Variants in JPH2 observed in about 807,000 individuals in gnomAD.
JPH2 encodes the protein junctophilin 2.
A neutral mutation model predicts 55.9 loss-of-function variants in JPH2; 38 were observed. The observed-to-expected ratio is 0.68, with a 90% confidence interval of 0.52 to 0.89. JPH2 has a LOEUF of 0.89. Among genes scored for constraint, JPH2 ranks in the 40% least tolerant of loss-of-function variants. The pLI is 0.00. For synonymous variants in JPH2, 480 were observed against 472.4 expected, an observed-to-expected ratio of 1.02 and a Z score of -0.21; for missense variants, 964 against 1,037.6, an observed-to-expected ratio of 0.93 and a Z score of 0.97.
chr20:44,181,721 G>A (rs532840392), intron 1 of JPH2, among the ~76,000 whole-genome samples: 171 of 152,246 alleles, frequency 1.1e-3, no homozygotes, highest in African/African-American at 3.6e-3. Flanking sequence ...CTCCGCCCTC[G>A]TCACCTGGCT....
intron 1 of JPH2, among the ~76,000 whole-genome samples, chr20:44,162,757 T>A (rs2072620136): frequency 1.9e-5 from 1 of 51,726 alleles, no homozygotes; most frequent in Non-Finnish European, 3.8e-5. Flanking sequence ...TATATATATA[T>A]ATATATATAT....
At position 44,187,082 on chromosome 20, in the gene JPH2, G is replaced by A. The variant is rs140981935; in HGVS notation, c.-377C>T. On this transcript the variant is annotated 5_prime_UTR_variant, in exon 1 of 6. Coordinates refer to ENST00000372980, the MANE Select transcript of JPH2 (RefSeq NM_020433.5). ...AAAGGGTGGGGTGGAGGGGTCCCCA[G>A]CCTTTTCAAAGAGGGGAAATTCCCC... 271 of 217,080 alleles carry A rather than the reference G, an allele frequency of 1.2e-3. No homozygotes were observed. Among genetic ancestry groups the A allele is most frequent in the African/African-American group, 5.9e-3 (259 of 43,662 alleles). The allele number at this position is 217,080 out of a possible 1,614,324, so 13.4% of individuals were successfully genotyped here. A position where few individuals can be genotyped will look rare whatever the true frequency, so the allele number is the denominator to read the frequency against.
chr20:44,151,230 G>A (rs1212797584), intron 2 of JPH2, among the ~76,000 whole-genome samples: 2 of 151,940 alleles, frequency 1.3e-5, no homozygotes, highest in African/African-American at 4.8e-5. Context: ...GGAAAATCAA[G>A]AGTTGGCTGG....
chr20:44,173,185 A>C (rs1300308793), intron 1 of JPH2, among the ~76,000 whole-genome samples: 2 of 152,204 alleles, frequency 1.3e-5, no homozygotes, highest in Non-Finnish European at 2.9e-5. Context: ...TTATGACTCC[A>C]GAGAAATATA....
At chr20:44,182,167 C>A (rs1185594527) in intron 1 of JPH2, among the ~76,000 whole-genome samples, 1 of 152,120 alleles carries the variant, frequency 6.6e-6, no homozygotes, top group African/African-American at 2.4e-5. Context: ...TGCCTGACTC[C>A]CAGCCGTTCC....
chr20:44,176,743 G>A (rs544043020), intron 1 of JPH2: 20 of 456,410 alleles, frequency 4.4e-5, no homozygotes, highest in Middle Eastern at 1.1e-3. Flanking sequence ...GCAGTGAGCC[G>A]TGATTGTACC....
intron 2 of JPH2, among the ~76,000 whole-genome samples, chr20:44,155,314 G>C (rs895812000): frequency 1.3e-5 from 2 of 152,126 alleles, no homozygotes; most frequent in African/African-American, 4.8e-5. Flanking sequence ...TCCAATTCAT[G>C]GTCTTCTGAA....
At position 44,134,625 on chromosome 20, in the gene JPH2, T is replaced by C. The variant is rs1398357744; in HGVS notation, c.1170-16002A>G. ...ATTTATTATAAATATAATAAATATA[T>C]ATTTATTATAAATATATAAATATTT... is the stretch of plus-strand genomic sequence containing the variant. On this transcript the variant is annotated intron_variant, in intron 2 of 5. Transcript: ENST00000372980. 1.3e-4 allele frequency among the ~76,000 whole-genome samples: 9 copies of C among 68,562 alleles called. 1 individual carries two copies. The highest frequency in any genetic ancestry group is 1.9e-4 in the Non-Finnish European group (8 of 41,738). The allele number at this position is 68,562 out of a possible 152,430, so 45.0% of individuals were successfully genotyped here.
intron 1 of JPH2, among the ~76,000 whole-genome samples, chr20:44,181,353 GT>G (rs2072781895): frequency 6.6e-6 from 1 of 152,166 alleles, no homozygotes; most frequent in Non-Finnish European, 1.5e-5. Flanking sequence ...CTCACACATT[GT>G]GTGTGTGCAT....
intron 2 of JPH2, among the ~76,000 whole-genome samples, chr20:44,134,148 T>TTATTATAAATATATAAA (rs2072358454): frequency 1.2e-4 from 3 of 24,494 alleles, no homozygotes; most frequent in Non-Finnish European, 1.5e-4. Context: ...AAATAAATAT[T>TTATTATAAATATATAAA]TATTATAAAT....
At chr20:44,148,920 A>C (rs1483823315) in intron 2 of JPH2, among the ~76,000 whole-genome samples, 2 of 152,060 alleles carry the variant, frequency 1.3e-5, no homozygotes. Flanking sequence ...AAAAACAATT[A>C]GCTGGGTGTG....
chr20:44,127,929 T>A (rs950321406), intron 2 of JPH2, among the ~76,000 whole-genome samples: 5 of 152,218 alleles, frequency 3.3e-5, no homozygotes, highest in Non-Finnish European at 7.3e-5. Context: ...TTAGGATAAA[T>A]GTCTATCCAG....
intron 2 of JPH2, among the ~76,000 whole-genome samples, chr20:44,138,616 C>A (rs564367615): frequency 6.6e-6 from 1 of 152,220 alleles, no homozygotes; most frequent in South Asian, 2.1e-4. Flanking sequence ...CTCCTGGCCT[C>A]AAGCAATTCT....
intron 2 of JPH2, among the ~76,000 whole-genome samples, chr20:44,128,673 C>T (rs933437018): frequency 6.6e-6 from 1 of 151,780 alleles, no homozygotes; most frequent in East Asian, 1.9e-4. Context: ...TTAATATTTT[C>T]GTCTTTTTCT....
At position 44,107,980 on chromosome 20, in the gene JPH2, G is replaced by A. The variant is rs978053519; in HGVS notation, c.*5538C>T. Among the ~76,000 whole-genome samples the A allele has an allele frequency of 6.6e-6, 1 of 152,236 alleles. No individual in the cohort carries two copies. The highest frequency in any genetic ancestry group is 6.5e-5 in the Admixed American group (1 of 15,284). ...ATGGCTTATAGTGAGTGCTGGCCAT[G>A]CCAGAAAAATCAACCACAGGGTTAA... is the stretch of plus-strand genomic sequence containing the variant. On this transcript the variant is annotated 3_prime_UTR_variant, in exon 6 of 6. Coordinates refer to ENST00000372980, the MANE Select transcript of JPH2 (RefSeq NM_020433.5).
At chr20:44,176,200 A>G (rs2072731510) in intron 1 of JPH2, among the ~76,000 whole-genome samples, 1 of 152,190 alleles carries the variant, frequency 6.6e-6, no homozygotes, top group African/African-American at 2.4e-5. Context: ...ATAATGTAAT[A>G]AACTCACTAC....
At position 44,112,037 on chromosome 20, in the gene JPH2, A is replaced by G; in HGVS notation, c.*1481T>C. The G allele has an allele frequency of 6.6e-6, 1 of 152,420 alleles. No individual in the cohort carries two copies. Among genetic ancestry groups the G allele is most frequent in the South Asian group, 2.1e-4 (1 of 4,826 alleles). The allele number at this position is 152,420 out of a possible 1,614,324, so 9.4% of individuals were successfully genotyped here. On this transcript the variant is annotated 3_prime_UTR_variant, in exon 6 of 6. Coordinates refer to ENST00000372980, the MANE Select transcript of JPH2 (RefSeq NM_020433.5). ...CAGTCCTGGATTCCAGCCAAGCCAC[A>G]AGGTCCCAGCAGGGCTTGAAACGGC...
chr20:44,123,763 G>A (rs370818177), intron 2 of JPH2, among the ~76,000 whole-genome samples: 3 of 152,206 alleles, frequency 2.0e-5, no homozygotes, highest in East Asian at 1.9e-4. Flanking sequence ...TGAAGGGAAC[G>A]AGCCTAGGAA....
chr20:44,150,429 A>G (rs995401738), intron 2 of JPH2, among the ~76,000 whole-genome samples: 1 of 152,262 alleles, frequency 6.6e-6, no homozygotes, highest in Non-Finnish European at 1.5e-5. Flanking sequence ...ATGGATTGGA[A>G]GACTTAAAAT....
Sources: gnomAD v4.1 joint callset for allele counts (sites outside exome capture counted in the v4.1 genomes callset) on GRCh38, gnomAD v4.1.1 for gene constraint, MANE v1.5 for transcripts, NCBI Gene and HGNC (gene_info 2026-07-23, HGNC 2026-07-21) for gene names.